Variants in ONECUT1 observed in about 807,000 individuals in gnomAD.
ONECUT1 encodes one cut homeobox 1.
In ONECUT1, 12 loss-of-function variants were observed where a neutral mutation model predicts 25.6. That is an observed-to-expected ratio of 0.47 (90% CI 0.30 to 0.76). ONECUT1 has a LOEUF of 0.76. ONECUT1 is among the 30% of genes least tolerant of loss of function. ONECUT1 has a pLI of 0.07. For missense variants in ONECUT1, 620 were observed against 651.2 expected, an observed-to-expected ratio of 0.95 and a Z score of 0.52; for synonymous variants, 285 against 270.2, an observed-to-expected ratio of 1.05 and a Z score of -0.54.
At position 52,790,026 on chromosome 15, in the gene ONECUT1, T is replaced by C. The variant is rs2083910251; in HGVS notation, c.-142A>G. ...CTCACTGTGGGGCTCTGTCTCTCTC[T>C]CTCTCTCTCTCCGTGTGTGTGTGTC... is the stretch of plus-strand genomic sequence containing the variant. On this transcript the variant is annotated 5_prime_UTR_variant, in exon 1 of 2. Transcript: ENST00000305901. The C allele has an allele frequency of 7.8e-7, 1 of 1,275,682 alleles. No homozygotes were observed. Among genetic ancestry groups the C allele is most frequent in the Admixed American group, 3.9e-5 (1 of 25,974 alleles). The allele number at this position is 1,275,682 out of a possible 1,614,324, so 79.0% of individuals were successfully genotyped here. A position where few individuals can be genotyped will look rare whatever the true frequency, so the allele number is the denominator to read the frequency against.
chr15:52,762,790 C>T (rs781691012), intron 1 of ONECUT1, among the ~76,000 whole-genome samples: 16 of 152,116 alleles, frequency 1.1e-4, no homozygotes, highest in Non-Finnish European at 1.3e-4. Flanking sequence ...TGAGAGTCAC[C>T]GATGACCAGG....
intron 1 of ONECUT1, chr15:52,780,645 A>T: frequency 2.0e-6 from 3 of 1,534,776 alleles, no homozygotes; most frequent in Admixed American, 2.0e-5. Flanking sequence ...CGCTTTAGCC[A>T]CTCCTCTCAC....
intron 1 of ONECUT1, among the ~76,000 whole-genome samples, chr15:52,770,898 T>G (rs551146252): frequency 1.3e-5 from 2 of 152,344 alleles, no homozygotes; most frequent in East Asian, 3.9e-4. Flanking sequence ...TTTAATTTTT[T>G]GTCTGAGCTT....
At chr15:52,762,563 T>C (rs1566988887) in intron 1 of ONECUT1, among the ~76,000 whole-genome samples, 1 of 152,162 alleles carries the variant, frequency 6.6e-6, no homozygotes, top group African/African-American at 2.4e-5. Flanking sequence ...TGAGATTCTC[T>C]TGGAGCAGGG....
chr15:52,771,540 A>T (rs1220158332), intron 1 of ONECUT1, among the ~76,000 whole-genome samples: 1 of 152,066 alleles, frequency 6.6e-6, no homozygotes, highest in African/African-American at 2.4e-5. Context: ...GTTTCTTCCT[A>T]AATGGTGAGA....
intron 1 of ONECUT1, among the ~76,000 whole-genome samples, chr15:52,776,806 T>C (rs891899978): frequency 6.6e-6 from 1 of 152,236 alleles, no homozygotes; most frequent in Admixed American, 6.5e-5. Context: ...GCCTGGCACA[T>C]AGGAGGCACC....
intron 1 of ONECUT1, chr15:52,787,698 G>C (rs770803084): frequency 6.6e-6 from 1 of 152,498 alleles, no homozygotes; most frequent in African/African-American, 2.4e-5. Flanking sequence ...CCGCCGGCCG[G>C]ATCTCATCAA....
chr15:52,763,985 G>T (rs2083720340), intron 1 of ONECUT1, among the ~76,000 whole-genome samples: 1 of 152,184 alleles, frequency 6.6e-6, no homozygotes, highest in African/African-American at 2.4e-5. Flanking sequence ...TAGAGTTTAA[G>T]AAGCCCTGTC....
At chr15:52,768,067 G>T (rs1161614448) in intron 1 of ONECUT1, among the ~76,000 whole-genome samples, 1 of 152,152 alleles carries the variant, frequency 6.6e-6, no homozygotes, top group Non-Finnish European at 1.5e-5. Flanking sequence ...ATAAAGAGGG[G>T]ATGCTTAATG....
At chr15:52,781,230 G>A (rs919988963) in intron 1 of ONECUT1, 1 of 152,234 alleles carries the variant, frequency 6.6e-6, no homozygotes, top group African/African-American at 2.4e-5. Context: ...GATAGGTCTT[G>A]TCCATCAATA....
intron 1 of ONECUT1, among the ~76,000 whole-genome samples, chr15:52,774,122 TAC>T (rs35891922): frequency 0.075 from 10,375 of 137,598 alleles, 388 homozygotes; most frequent in East Asian, 0.13. Flanking sequence ...ATTGGAAGGA[TAC>T]ACACACACAC....
At chr15:52,780,263 G>T (rs2083832089) in intron 1 of ONECUT1, among the ~76,000 whole-genome samples, 1 of 152,136 alleles carries the variant, frequency 6.6e-6, no homozygotes. Context: ...AAGTAATTTT[G>T]TGCAGGAATG....
chr15:52,789,679 T>G lies in ONECUT1; in HGVS notation c.206A>C (p.His69Pro), dbSNP rs1172963414. The change falls in exon 1 of 2, where the codon CAC becomes CCC. Residue 69 changes from histidine (H) to proline (P), a missense_variant. Coordinates refer to ENST00000305901, the MANE Select transcript of ONECUT1 (RefSeq NM_004498.4). This position sits in a 1 kb window ranked among gnomAD's most constrained non-coding sequence, Gnocchi z 4.1. ...LDGGSGGGDYHHHHRAPEHSL... is the reference protein window; with the variant it reads ...LDGGSGGGDYPHHHRAPEHSL... ...GTGCTCAGGGGCCCGGTGGTGGTGG[T>G]GGTAATCTCCGCCGCCGCTGCCGCC... is the stretch of plus-strand genomic sequence containing the variant. 6.6e-7 allele frequency: 1 copy of G among 1,508,832 alleles called. No individual in the cohort carries two copies. The highest frequency in any genetic ancestry group is 1.3e-5 in the South Asian group (1 of 75,720). The allele number at this position is 1,508,832 out of a possible 1,614,324, so 93.5% of individuals were successfully genotyped here.
intron 1 of ONECUT1, among the ~76,000 whole-genome samples, chr15:52,783,141 T>C (rs1016375659): frequency 6.6e-6 from 1 of 152,182 alleles, no homozygotes; most frequent in African/African-American, 2.4e-5. Flanking sequence ...GAGATGACTA[T>C]AGATTTTCCC....
intron 1 of ONECUT1, among the ~76,000 whole-genome samples, chr15:52,769,571 G>C (rs74688537): frequency 1.1e-4 from 17 of 152,216 alleles, no homozygotes; most frequent in African/African-American, 3.9e-4. Flanking sequence ...AGTCAGTAAA[G>C]GTTGGCTGAG....
chr15:52,759,786 T>TG, intron 1 of ONECUT1, among the ~76,000 whole-genome samples: 1 of 151,426 alleles, frequency 6.6e-6, no homozygotes, highest in East Asian at 1.9e-4. Flanking sequence ...AATTTTTTTT[T>TG]TTTATAGAGA....
chr15:52,769,810 C>T (rs2083755864), intron 1 of ONECUT1, among the ~76,000 whole-genome samples: 1 of 152,116 alleles, frequency 6.6e-6, no homozygotes, highest in South Asian at 2.1e-4. Flanking sequence ...CTGCATCCGT[C>T]CTTGCTAAGT....
intron 1 of ONECUT1, among the ~76,000 whole-genome samples, chr15:52,783,449 AT>A (rs1275818590): frequency 6.6e-6 from 1 of 152,196 alleles, no homozygotes; most frequent in African/African-American, 2.4e-5. Flanking sequence ...AAGACATTCT[AT>A]CTGCCTACCG....
intron 1 of ONECUT1, among the ~76,000 whole-genome samples, chr15:52,786,431 G>A (rs1034152822): frequency 2.0e-5 from 3 of 152,242 alleles, no homozygotes; most frequent in Non-Finnish European, 4.4e-5. Context: ...TCGGCTTGGT[G>A]TTTGGTGCCA....
Sources: gnomAD v4.1 joint callset for allele counts (sites outside exome capture counted in the v4.1 genomes callset) on GRCh38, gnomAD v4.1.1 for gene constraint, Gnocchi (gnomAD v3.1) non-coding constraint, MANE v1.5 for transcripts, NCBI Gene and HGNC (gene_info 2026-07-23, HGNC 2026-07-21) for gene names.